The following RASGRP1 variants were observed in gnomAD, a reference collection of about 807,000 sequenced individuals.
The protein encoded by RASGRP1 is RAS guanyl-releasing protein 1.
RASGRP1 carries 37 observed loss-of-function variants against 95.1 expected under a neutral mutation model. That is an observed-to-expected ratio of 0.39 (90% CI 0.30 to 0.51). RASGRP1 has a LOEUF of 0.51. Ranked by LOEUF, RASGRP1 falls within the 20% of genes least tolerant of loss-of-function variation. The probability of loss-of-function intolerance (pLI) is 0.80; values close to 1 mark genes in which losing one functional copy is unlikely to be tolerated. For synonymous variants in RASGRP1, 325 were observed against 353.4 expected (o/e 0.92, Z 0.90); for missense variants, 711 against 965.4 (o/e 0.74, Z 3.49).
chr15:38,493,991 G>C (rs1890694997), intron 16 of RASGRP1, among the ~76,000 whole-genome samples: 3 of 152,194 alleles, frequency 2.0e-5, no homozygotes, highest in Admixed American at 2.0e-4. Context: ...GTTCCATCTA[G>C]AAAAGGAGTG....
intron 2 of RASGRP1, among the ~76,000 whole-genome samples, chr15:38,556,046 C>T (rs1893541984): frequency 1.3e-5 from 2 of 152,166 alleles, no homozygotes; most frequent in Admixed American, 6.5e-5. Context: ...AATAAAAGCC[C>T]AGATGATCTC....
chr15:38,494,372 A>AG lies in RASGRP1; in HGVS notation c.2259+9dup. ...TAGTCTGAAAAAAAGGAAAATGAAA[A>AG]GGAAGGTACCTGTTCCAGTTCTTGG... is the stretch of plus-strand genomic sequence containing the variant. On this transcript the variant is annotated intron_variant, in intron 16 of 16. Transcript: ENST00000310803. 1 of 1,613,524 alleles carries AG rather than the reference A, an allele frequency of 6.2e-7. No homozygotes were observed. The highest frequency in any genetic ancestry group is 1.1e-5 in the South Asian group (1 of 90,840).
At chr15:38,528,783 T>C (rs1892329788) in intron 2 of RASGRP1, among the ~76,000 whole-genome samples, 1 of 152,208 alleles carries the variant, frequency 6.6e-6, no homozygotes, top group South Asian at 2.1e-4. Flanking sequence ...TAAAATACCA[T>C]CTATATGCTG....
chr15:38,491,828 G>A (rs1399759666), intron 16 of RASGRP1, among the ~76,000 whole-genome samples: 1 of 151,980 alleles, frequency 6.6e-6, no homozygotes, highest in Non-Finnish European at 1.5e-5. Context: ...ATGGTGAGAG[G>A]GTTTACTGGC....
intron 3 of RASGRP1, among the ~76,000 whole-genome samples, chr15:38,520,853 G>T (rs573311336): frequency 2.6e-5 from 4 of 152,218 alleles, no homozygotes; most frequent in African/African-American, 9.6e-5. Flanking sequence ...GAAACAGTAA[G>T]ATTTGCAAGC....
rs952665109 is a variant in RASGRP1 at position 38,506,432 on chromosome 15, T to C, written c.1243-512A>G. On this transcript the variant is annotated intron_variant, in intron 9 of 16. Coordinates refer to ENST00000310803, the MANE Select transcript of RASGRP1 (RefSeq NM_005739.4). ...GGTTGATTGCTTGAGCTCAGGAGTT[T>C]GAGACCAGCCTGGGCAACATAGCAA... Among the ~76,000 whole-genome samples the C allele has an allele frequency of 4.6e-5, 7 of 152,236 alleles. No homozygotes were observed. The South Asian group carries it at 1.2e-3, about 27-fold the overall frequency.
At chr15:38,511,886 C>T (rs1891535743) in intron 7 of RASGRP1, among the ~76,000 whole-genome samples, 166 bp from the exon 8 acceptor site, 2 of 152,200 alleles carry the variant, frequency 1.3e-5, no homozygotes, top group Admixed American at 6.5e-5. Flanking sequence ...CTGCTTTATT[C>T]AGACTGGTGG....
chr15:38,523,826 C>T (rs1405348138), intron 3 of RASGRP1, among the ~76,000 whole-genome samples: 1 of 152,112 alleles, frequency 6.6e-6, no homozygotes, highest in African/African-American at 2.4e-5. Flanking sequence ...GGTTTGTAGC[C>T]TAGGAGCAAC....
At chr15:38,492,234 C>G (rs61683560) in intron 16 of RASGRP1, among the ~76,000 whole-genome samples, 2,847 of 152,110 alleles carry the variant, frequency 0.019, 94 homozygotes, top group African/African-American at 0.065. Context: ...AACAATAACT[C>G]TGAGCAAGAG....
rs561354912 is a variant in RASGRP1, at chr15:38,562,611, T to C, written c.35+1983A>G. The stretch of plus-strand genomic sequence containing the variant: ...AAAGGTTTTAAAAAAATAAAGTCAT[T>C]CATTGTAGAAGTCTCCTTCTCTCAG... On this transcript the variant is annotated intron_variant, in intron 1 of 16. Coordinates refer to ENST00000310803, the MANE Select transcript of RASGRP1 (RefSeq NM_005739.4). Among the ~76,000 whole-genome samples the C allele has an allele frequency of 2.6e-5, 4 of 152,310 alleles. No homozygotes were observed. The South Asian group carries it at 8.3e-4, about 32-fold the overall frequency.
chr15:38,501,381 T>G, intron 12 of RASGRP1, 94 bp from the exon 13 acceptor site: 1 of 1,426,668 alleles, frequency 7.0e-7, no homozygotes, highest in Non-Finnish European at 9.8e-7. Flanking sequence ...TCACCTTTCT[T>G]TTTATCCTCA....
At chr15:38,523,491 A>G (rs1274952572) in intron 3 of RASGRP1, among the ~76,000 whole-genome samples, 3 of 152,222 alleles carry the variant, frequency 2.0e-5, no homozygotes, top group African/African-American at 4.8e-5. Flanking sequence ...AGTTTATAAC[A>G]TAAAGTCACA....
chr15:38,494,842 A>G (rs1384153933), intron 15 of RASGRP1, 75 bp from the exon 16 acceptor site: 2 of 1,223,212 alleles, frequency 1.6e-6, no homozygotes, highest in Non-Finnish European at 2.1e-6. Flanking sequence ...ATTAGTTTCA[A>G]TGAGACCTTT....
At chr15:38,534,280 A>T (rs1362683494) in intron 2 of RASGRP1, 1 of 152,206 alleles carries the variant, frequency 6.6e-6, no homozygotes, top group Non-Finnish European at 1.5e-5. Flanking sequence ...CAAGAACAAA[A>T]ATGTTAATAT....
At chr15:38,564,503 A>T in intron 1 of RASGRP1, 91 bp downstream of exon 1, 1 of 1,184,660 alleles carries the variant, frequency 8.4e-7, no homozygotes. Flanking sequence ...TCCGCCCTCA[A>T]CTTCCCTCGG....
intron 11 of RASGRP1, 113 bp from the exon 12 acceptor site, chr15:38,502,534 C>A (rs551549178): frequency 1.5e-6 from 1 of 655,064 alleles, no homozygotes; most frequent in South Asian, 2.0e-5. Context: ...ACAACCTGAA[C>A]GAGAGGAACA....
intron 2 of RASGRP1, among the ~76,000 whole-genome samples, chr15:38,553,145 G>A (rs900649783): frequency 7.9e-5 from 12 of 152,142 alleles, no homozygotes; most frequent in East Asian, 7.7e-4. Context: ...CTCTTTCCCC[G>A]TTCTTTTCCT....
At chr15:38,529,816 A>G (rs1892371266) in intron 2 of RASGRP1, among the ~76,000 whole-genome samples, 1 of 152,206 alleles carries the variant, frequency 6.6e-6, no homozygotes, top group African/African-American at 2.4e-5. Context: ...TGCTTTCGTC[A>G]TTACCTATTT....
chr15:38,503,129 C>G (rs1349432395), intron 11 of RASGRP1, 143 bp downstream of exon 11: 2 of 676,044 alleles, frequency 3.0e-6, no homozygotes, highest in Admixed American at 5.5e-5. Context: ...TTGAATTGTT[C>G]TAAAGCCACA....
Sources: allele counts gnomAD v4.1 joint callset (sites outside exome capture counted in the v4.1 genomes callset), GRCh38; gene constraint gnomAD v4.1.1; transcripts MANE v1.5; gene names NCBI Gene and HGNC (gene_info 2026-07-23, HGNC 2026-07-21).